Variants in MACROD2 observed in about 807,000 individuals in gnomAD.
MACROD2 encodes the protein mono-ADP ribosylhydrolase 2, also known as ADP-ribose glycohydrolase MACROD2.
MACROD2 carries 36 observed loss-of-function variants against 70.4 expected under a neutral mutation model. That is an observed-to-expected ratio of 0.51 (90% CI 0.39 to 0.68). The LOEUF is 0.68. MACROD2 is among the 30% of genes least tolerant of loss of function. The probability of loss-of-function intolerance (pLI) is 0.00; values close to 1 mark genes in which losing one functional copy is unlikely to be tolerated. For missense variants in MACROD2, 496 were observed against 538.4 expected, an observed-to-expected ratio of 0.92 and a Z score of 0.78; for synonymous variants, 172 against 178.8, an observed-to-expected ratio of 0.96 and a Z score of 0.30.
At chr20:15,830,550 A>G (rs2064044071) in intron 8 of MACROD2, among the ~76,000 whole-genome samples, 1 of 152,212 alleles carries the variant, frequency 6.6e-6, no homozygotes, top group East Asian at 1.9e-4. Context: ...ACGACACAGA[A>G]TGAGGAGCGG....
intron 5 of MACROD2, among the ~76,000 whole-genome samples, chr20:14,798,243 T>C (rs562511938): frequency 1.3e-5 from 2 of 152,154 alleles, no homozygotes; most frequent in South Asian, 4.1e-4. Flanking sequence ...TAAAATTCAA[T>C]TGGAAACAGT....
At chr20:14,170,111 C>T (rs2148723564) in intron 3 of MACROD2, among the ~76,000 whole-genome samples, 1 of 152,234 alleles carries the variant, frequency 6.6e-6, no homozygotes, top group South Asian at 2.1e-4. Context: ...CCAGACTGGT[C>T]TCGAACTCCT....
At chr20:14,665,119 C>G (rs1000664774) in intron 4 of MACROD2, among the ~76,000 whole-genome samples, 2 of 152,084 alleles carry the variant, frequency 1.3e-5, no homozygotes, top group African/African-American at 2.4e-5. Flanking sequence ...ACTCTGATGC[C>G]ATTTTATTAA....
At chr20:15,445,458 AAG>A (rs140471761) in intron 7 of MACROD2, among the ~76,000 whole-genome samples, 54 of 150,164 alleles carry the variant, frequency 3.6e-4, no homozygotes, top group Non-Finnish European at 3.4e-4. Context: ...AGCTTTCCAT[AAG>A]AGAGAGAGAG....
chr20:14,378,999 T>C (rs1395687814), intron 3 of MACROD2, among the ~76,000 whole-genome samples: 1 of 152,202 alleles, frequency 6.6e-6, no homozygotes, highest in Non-Finnish European at 1.5e-5. Flanking sequence ...TACCCTAGAA[T>C]CTCAGATGCT....
At chr20:14,956,174 C>T (rs2074535290) in intron 5 of MACROD2, among the ~76,000 whole-genome samples, 1 of 152,004 alleles carries the variant, frequency 6.6e-6, no homozygotes, top group African/African-American at 2.4e-5. Context: ...GGGAAAAAAG[C>T]CTTGTTTACT....
In MACROD2 at chr20:14,649,855, T is replaced by C. The variant is rs897195975; in HGVS notation, c.302-34988T>C. On this transcript the variant is annotated intron_variant, in intron 4 of 17. Transcript: ENST00000684519. Reference sequence around the variant, plus strand: ...AATAAACACCCAGGCTTGGTTCTCATTGAGTCACAGGCTGGGTGGGGCTGA... The same window carrying C: ...AATAAACACCCAGGCTTGGTTCTCACTGAGTCACAGGCTGGGTGGGGCTGA... Among the ~76,000 whole-genome samples, 211 of 152,268 alleles carry C rather than the reference T, an allele frequency of 1.4e-3. 4 individuals carry two copies. The highest frequency in any genetic ancestry group is 4.7e-4 in the Non-Finnish European group (32 of 68,020).
At chr20:15,860,173 G>A (rs1337665112) in intron 8 of MACROD2, among the ~76,000 whole-genome samples, 1 of 151,908 alleles carries the variant, frequency 6.6e-6, no homozygotes, top group African/African-American at 2.4e-5. Context: ...ACTTAGCAGA[G>A]AATAACATTG....
intron 8 of MACROD2, among the ~76,000 whole-genome samples, chr20:15,645,626 T>C (rs1250744725): frequency 4.6e-5 from 7 of 152,152 alleles, no homozygotes; most frequent in Non-Finnish European, 1.0e-4. Context: ...TTAAAAGATA[T>C]TGTTATCGGG....
chr20:14,136,976 C>T (rs547716453), intron 3 of MACROD2, among the ~76,000 whole-genome samples: 2 of 152,256 alleles, frequency 1.3e-5, no homozygotes, highest in South Asian at 4.2e-4. Context: ...TAACCACTAG[C>T]CACATATAGC....
At chr20:15,039,037 TG>T (rs2075335354) in intron 5 of MACROD2, among the ~76,000 whole-genome samples, 3 of 152,146 alleles carry the variant, frequency 2.0e-5, no homozygotes, top group Admixed American at 2.0e-4. Flanking sequence ...CTGACACCCC[TG>T]TAACAAAGGA....
Position 15,161,657 on chromosome 20 carries a change from T to C in MACROD2, c.419-68283T>C, listed in dbSNP as rs2076349385. On this transcript the variant is annotated intron_variant, in intron 5 of 17. Coordinates refer to ENST00000684519, the MANE Select transcript of MACROD2 (RefSeq NM_001351661.2). ...AACACCATCTGGATGCTGGTTCAGC[T>C]GCATTATCTCACTAATTTACATTTT... Among the ~76,000 whole-genome samples the C allele has an allele frequency of 4.6e-5, 7 of 152,166 alleles. No individual in the cohort carries two copies. In the South Asian group the frequency reaches 1.4e-3, roughly 32 times the overall value.
chr20:15,568,145 A>G (rs1028257043), intron 8 of MACROD2, among the ~76,000 whole-genome samples: 1 of 152,136 alleles, frequency 6.6e-6, no homozygotes, highest in Admixed American at 6.5e-5. Context: ...TGGACTTGCT[A>G]TCTCCTATCC....
chr20:14,298,306 G>A (rs968738395), intron 3 of MACROD2, among the ~76,000 whole-genome samples: 1 of 151,750 alleles, frequency 6.6e-6, no homozygotes, highest in Non-Finnish European at 1.5e-5. Flanking sequence ...GGTGGCTCAC[G>A]CCTGTAATCC....
At chr20:15,936,671 G>GTGTATATATATATATATATATA (rs1555797416) in intron 11 of MACROD2, among the ~76,000 whole-genome samples, 178 of 143,260 alleles carry the variant, frequency 1.2e-3, no homozygotes, top group African/African-American at 3.6e-3. Flanking sequence ...GTATATGTGT[G>GTGTATATATATATATATATATA]TATATATATA....
chr20:14,043,120 A>G (rs1055037783), intron 2 of MACROD2, among the ~76,000 whole-genome samples: 8 of 151,948 alleles, frequency 5.3e-5, no homozygotes, highest in African/African-American at 1.9e-4. Flanking sequence ...GGGTCTTACT[A>G]TGTTGCCTGG....
At chr20:15,332,285 T>C (rs1480452915) in intron 6 of MACROD2, among the ~76,000 whole-genome samples, 1 of 151,684 alleles carries the variant, frequency 6.6e-6, no homozygotes, top group African/African-American at 2.4e-5. Context: ...ATTTGAGAAG[T>C]GCACATAATA....
chr20:14,534,051 A>G (rs75594126), intron 4 of MACROD2, among the ~76,000 whole-genome samples: 7 of 152,042 alleles, frequency 4.6e-5, no homozygotes, highest in Non-Finnish European at 1.0e-4. Flanking sequence ...TCTACTTATT[A>G]AAAAAAATAC....
chr20:15,045,801 T>A (rs1397467616), intron 5 of MACROD2, among the ~76,000 whole-genome samples: 1 of 127,886 alleles, frequency 7.8e-6, no homozygotes, highest in Non-Finnish European at 1.6e-5. Flanking sequence ...CTATGAAAAA[T>A]GGCCTTGTTA....
Sources: gnomAD v4.1 joint callset for allele counts (sites outside exome capture counted in the v4.1 genomes callset) on GRCh38, gnomAD v4.1.1 for gene constraint, MANE v1.5 for transcripts, NCBI Gene and HGNC (gene_info 2026-07-23, HGNC 2026-07-21) for gene names.